SEMA6D: variants seen among roughly 807,000 people sequenced by gnomAD.
SEMA6D encodes the protein semaphorin-6D.
SEMA6D carries 35 observed loss-of-function variants against 106.6 expected under a neutral mutation model. The ratio of observed to expected loss-of-function variants is 0.33; its 90% CI spans 0.25 to 0.44. The LOEUF (loss-of-function observed/expected upper bound fraction) is 0.44. SEMA6D is among the 20% of genes least tolerant of loss of function. The pLI is 1.00. For missense variants in SEMA6D, 1,185 were observed against 1,345.9 expected (o/e 0.88, Z 1.87); for synonymous variants, 499 against 487.7 (o/e 1.02, Z -0.31).
intron 2 of SEMA6D, among the ~76,000 whole-genome samples, chr15:47,447,529 G>T (rs1037659437): frequency 6.6e-6 from 1 of 152,096 alleles, no homozygotes; most frequent in Non-Finnish European, 1.5e-5. Flanking sequence ...TCCTCCTGGG[G>T]GGTGGCACAC....
intron 4 of SEMA6D, among the ~76,000 whole-genome samples, chr15:47,637,171 C>G (rs1236155750): frequency 6.6e-6 from 1 of 152,206 alleles, no homozygotes; most frequent in Non-Finnish European, 1.5e-5. Context: ...ACATTCTCTT[C>G]AAAGCCAGTG....
At chr15:47,350,642 T>C (rs2038286872) in intron 1 of SEMA6D, among the ~76,000 whole-genome samples, 1 of 152,170 alleles carries the variant, frequency 6.6e-6, no homozygotes, top group South Asian at 2.1e-4. Flanking sequence ...CTTGTTCTCA[T>C]CTTTATTATT....
chr15:47,339,101 C>CACGT (rs1368453128), intron 1 of SEMA6D: 1 of 152,198 alleles, frequency 6.6e-6, no homozygotes, highest in Non-Finnish European at 1.5e-5. Context: ...GATAGCTGAA[C>CACGT]ACGTGGAGGT....
chr15:47,524,621 C>T (rs943348373), intron 3 of SEMA6D, among the ~76,000 whole-genome samples: 4 of 152,108 alleles, frequency 2.6e-5, no homozygotes, highest in African/African-American at 7.2e-5. Context: ...CCAAAAGATT[C>T]GGAGGTGTGA....
intron 1 of SEMA6D, among the ~76,000 whole-genome samples, chr15:47,228,466 G>T (rs2031965025): frequency 2.5e-5 from 1 of 40,688 alleles, no homozygotes; most frequent in African/African-American, 5.2e-5. Flanking sequence ...AATAAGCCTT[G>T]GTAAATGTTT....
intron 1 of SEMA6D, among the ~76,000 whole-genome samples, chr15:47,199,590 A>G (rs1894583279): frequency 6.6e-6 from 1 of 152,168 alleles, no homozygotes; most frequent in Non-Finnish European, 1.5e-5. Flanking sequence ...TTCCAAAAAA[A>G]TGATGTAGTC....
chr15:47,535,361 A>T (rs2045126959), intron 3 of SEMA6D, among the ~76,000 whole-genome samples: 1 of 152,148 alleles, frequency 6.6e-6, no homozygotes, highest in Admixed American at 6.5e-5. Flanking sequence ...AACTTGCCCA[A>T]GGTCACTGAG....
chr15:47,738,124 T>A (rs2080560203), intron 1 of SEMA6D, among the ~76,000 whole-genome samples: 1 of 152,046 alleles, frequency 6.6e-6, no homozygotes, highest in African/African-American at 2.4e-5. Context: ...CTGCACCTCT[T>A]GGCCCATCCT....
intron 1 of SEMA6D, among the ~76,000 whole-genome samples, chr15:47,196,877 T>C (rs1240009723): frequency 6.6e-6 from 1 of 152,146 alleles, no homozygotes; most frequent in Non-Finnish European, 1.5e-5. Context: ...CAACAAAAGA[T>C]CTTAAGCTTG....
intron 3 of SEMA6D, among the ~76,000 whole-genome samples, chr15:47,494,334 C>T (rs1390787561): frequency 6.6e-6 from 1 of 152,040 alleles, no homozygotes; most frequent in Non-Finnish European, 1.5e-5. Context: ...CATATGAACT[C>T]TTTCAATCAT....
chr15:47,428,067 A>G (rs2041401606), intron 2 of SEMA6D, among the ~76,000 whole-genome samples: 1 of 152,156 alleles, frequency 6.6e-6, no homozygotes, highest in Non-Finnish European at 1.5e-5. Flanking sequence ...GTTATGCAAG[A>G]GATCTATGCT....
At chr15:47,254,034 G>T (rs1440467058) in intron 1 of SEMA6D, among the ~76,000 whole-genome samples, 1 of 151,002 alleles carries the variant, frequency 6.6e-6, no homozygotes, top group Admixed American at 6.6e-5. Context: ...TCTTCCTTCA[G>T]TGTTTAATAG....
chr15:47,661,200 A>G (rs1260447538), intron 4 of SEMA6D, among the ~76,000 whole-genome samples: 1 of 152,188 alleles, frequency 6.6e-6, no homozygotes, highest in Non-Finnish European at 1.5e-5. Flanking sequence ...CTGTTTCCTA[A>G]GAAATGTATA....
At chr15:47,483,950 G>A (rs2043223092) in intron 3 of SEMA6D, among the ~76,000 whole-genome samples, 2 of 152,028 alleles carry the variant, frequency 1.3e-5, no homozygotes, top group South Asian at 4.1e-4. Context: ...TCTGATTTCA[G>A]GGCCCTTGTT....
At position 47,485,598 on chromosome 15, in the gene SEMA6D, T is replaced by C. The variant is rs557637384; in HGVS notation, c.-87+15053T>C. On this transcript the variant is annotated intron_variant, in intron 3 of 19. Transcript: ENST00000558014. ...CCATTATATTATATATCCAGCTTTC[T>C]AGAATGATGTCATTAAATTGAGTTA... Among the ~76,000 whole-genome samples, 41 of 152,184 alleles carry C rather than the reference T, an allele frequency of 2.7e-4. 1 individual carries two copies. The highest frequency in any genetic ancestry group is 5.4e-4 in the Non-Finnish European group (37 of 68,024).
chr15:47,461,399 C>T (rs1350415634), intron 2 of SEMA6D, among the ~76,000 whole-genome samples: 1 of 151,966 alleles, frequency 6.6e-6, no homozygotes, highest in Non-Finnish European at 1.5e-5. Context: ...CTTTCTCCCC[C>T]ACTATTATAT....
At chr15:47,732,734 T>C (rs1054158201) in intron 1 of SEMA6D, among the ~76,000 whole-genome samples, 1 of 152,220 alleles carries the variant, frequency 6.6e-6, no homozygotes. Flanking sequence ...AATGTTTTTC[T>C]GCATGATTTG....
intron 3 of SEMA6D, among the ~76,000 whole-genome samples, chr15:47,536,264 G>A (rs941532174): frequency 6.6e-6 from 1 of 152,128 alleles, no homozygotes; most frequent in South Asian, 2.1e-4. Context: ...ACCATAAATG[G>A]TGGTTACTTT....
intron 1 of SEMA6D, among the ~76,000 whole-genome samples, chr15:47,214,247 C>T (rs1387278085): frequency 6.6e-6 from 1 of 152,004 alleles, no homozygotes; most frequent in Non-Finnish European, 1.5e-5. Context: ...ACGACTTAAA[C>T]GTGTTTTCAA....
Sources: gnomAD v4.1 joint callset for allele counts (sites outside exome capture counted in the v4.1 genomes callset) on GRCh38, gnomAD v4.1.1 for gene constraint, MANE v1.5 for transcripts, NCBI Gene and HGNC (gene_info 2026-07-23, HGNC 2026-07-21) for gene names.